The following ATP2B4 variants were observed in gnomAD, a reference collection of about 807,000 sequenced individuals.
ATP2B4 encodes plasma membrane calcium-transporting ATPase 4.
A neutral mutation model predicts 110.3 loss-of-function variants in ATP2B4; 39 were observed. The ratio of observed to expected loss-of-function variants is 0.35; its 90% CI spans 0.27 to 0.46. The LOEUF (loss-of-function observed/expected upper bound fraction) is 0.46. Ranked by LOEUF, ATP2B4 falls within the 20% of genes least tolerant of loss-of-function variation. ATP2B4 has a pLI of 1.00. For missense variants in ATP2B4, 1,135 were observed against 1,530.9 expected (o/e 0.74, Z 4.32); for synonymous variants, 538 against 571.7 (o/e 0.94, Z 0.84).
At chr1:203,714,041 G>A in intron 14 of ATP2B4, 130 bp from the exon 15 acceptor site, 1 of 829,284 alleles carries the variant, frequency 1.2e-6, no homozygotes, top group South Asian at 1.5e-5. Context: ...CTGCCCTTAG[G>A]TGGTTCCTGT....
intron 2 of ATP2B4, among the ~76,000 whole-genome samples, chr1:203,683,708 CT>C (rs1665090744): frequency 9.9e-6 from 1 of 101,156 alleles, no homozygotes; most frequent in South Asian, 3.5e-4. Flanking sequence ...GGGTCCTGCT[CT>C]TTTACCCAGG....
At chr1:203,726,401 C>A (rs1386893718) in intron 19 of ATP2B4, among the ~76,000 whole-genome samples, 1 of 150,734 alleles carries the variant, frequency 6.6e-6, no homozygotes, top group Non-Finnish European at 1.5e-5. Context: ...ATTCCCTCCA[C>A]CCTGTTCTGT....
In ATP2B4 at chr1:203,660,856, G is replaced by A. The variant is rs979566755; in HGVS notation, c.-464-21886G>A. Among the ~76,000 whole-genome samples the A allele has an allele frequency of 2.1e-4, 31 of 151,202 alleles. 1 individual carries two copies. Among genetic ancestry groups the A allele is most frequent in the Admixed American group, 1.6e-3 (25 of 15,172 alleles). On this transcript the variant is annotated intron_variant, in intron 1 of 20. Coordinates refer to ENST00000357681, the MANE Select transcript of ATP2B4 (RefSeq NM_001684.5). Reference sequence around the variant, plus strand: ...CTGGGCACGGTGGCTCATGCCTGTAGTCCCAGCACTTTGGGAGGCCGAGGC... The same window carrying A: ...CTGGGCACGGTGGCTCATGCCTGTAATCCCAGCACTTTGGGAGGCCGAGGC...
At chr1:203,700,967 T>G in intron 6 of ATP2B4, 44 bp downstream of exon 6, 2 of 1,592,944 alleles carry the variant, frequency 1.3e-6, no homozygotes, top group Non-Finnish European at 1.7e-6. Context: ...CTCATCCCCA[T>G]GGACAAACAA....
chr1:203,711,235 C>T, intron 12 of ATP2B4, 127 bp downstream of exon 12: 1 of 798,562 alleles, frequency 1.3e-6, no homozygotes, highest in Non-Finnish European at 2.0e-6. Flanking sequence ...GTGCTTCCTG[C>T]TTCACAGGAC....
chr1:203,703,628 G>A (rs187671253), intron 7 of ATP2B4, 24 bp from the exon 8 acceptor site: 69 of 1,611,370 alleles, frequency 4.3e-5, no homozygotes, highest in Middle Eastern at 3.4e-4. Context: ...CTGCTCACCT[G>A]TCCTATTTGT....
intron 1 of ATP2B4, among the ~76,000 whole-genome samples, chr1:203,676,123 TGTCG>T (rs1177722824): frequency 6.6e-6 from 1 of 152,190 alleles, no homozygotes. Context: ...TGGGTGTGGC[TGTCG>T]GATGATGATG....
intron 20 of ATP2B4, among the ~76,000 whole-genome samples, chr1:203,731,457 A>G (rs561013710): frequency 6.6e-6 from 1 of 152,308 alleles, no homozygotes; most frequent in African/African-American, 2.4e-5. Flanking sequence ...CAGATTCATG[A>G]AGGCTAAAGG....
chr1:203,649,653 G>A (rs1571679788), intron 1 of ATP2B4, among the ~76,000 whole-genome samples: 1 of 152,166 alleles, frequency 6.6e-6, no homozygotes, highest in East Asian at 1.9e-4. Flanking sequence ...AAATAGCCAG[G>A]CCTGGTGATG....
intron 1 of ATP2B4, among the ~76,000 whole-genome samples, chr1:203,633,722 A>ATAAAT (rs1663348338): frequency 6.6e-6 from 1 of 151,214 alleles, no homozygotes; most frequent in Non-Finnish European, 1.5e-5. Flanking sequence ...AGATAAATAA[A>ATAAAT]TAAATAAATA....
chr1:203,667,603 A>C (rs929446399), intron 1 of ATP2B4, among the ~76,000 whole-genome samples: 5 of 152,182 alleles, frequency 3.3e-5, no homozygotes, highest in Non-Finnish European at 7.3e-5. Flanking sequence ...TACCTTTTAA[A>C]GCCCAAAGTT....
chr1:203,686,892 A>C (rs1208539949), intron 2 of ATP2B4, among the ~76,000 whole-genome samples: 1 of 150,068 alleles, frequency 6.7e-6, no homozygotes, highest in East Asian at 2.0e-4. Flanking sequence ...ACGGGGTTTC[A>C]TCATGTTGGC....
intron 20 of ATP2B4, 84 bp from the exon 21 acceptor site, chr1:203,739,462 C>T: frequency 7.2e-7 from 1 of 1,398,018 alleles, no homozygotes; most frequent in Non-Finnish European, 9.8e-7. Flanking sequence ...TTTTGTTTCT[C>T]TCCTAAATCC....
At chr1:203,725,904 C>CTTTTTTTTTTTTTTTTTTTT (rs756184004) in intron 19 of ATP2B4, among the ~76,000 whole-genome samples, 5 of 93,378 alleles carry the variant, frequency 5.4e-5, no homozygotes, top group African/African-American at 9.0e-5. Context: ...CTTTTCTTTT[C>CTTTTTTTTTTTTTTTTTTTT]TTTTTTTTTT....
chr1:203,727,496 G>A lies in ATP2B4; in HGVS notation c.3234G>A (p.Glu1078=), dbSNP rs369400605. 3.1e-6 allele frequency: 5 copies of A among 1,614,122 alleles called. No individual in the cohort carries two copies. The highest frequency in any genetic ancestry group is 4.2e-6 in the Non-Finnish European group (5 of 1,180,042). ...EITKDAEGLD[E]IDHAEMELRR... ...CCAAGGATGCCGAGGGACTGGATGAGATTGACCATGCTGAGATGGAGCTGC... is the reference window on the plus strand; with the variant it reads ...CCAAGGATGCCGAGGGACTGGATGAAATTGACCATGCTGAGATGGAGCTGC... The change falls in exon 20 of 21, where the codon GAG becomes GAA. Residue 1078 remains glutamate (E), a synonymous_variant. Coordinates refer to ENST00000357681, the MANE Select transcript of ATP2B4 (RefSeq NM_001684.5).
intron 15 of ATP2B4, among the ~76,000 whole-genome samples, chr1:203,718,160 T>C (rs1571758841): frequency 6.6e-6 from 1 of 152,178 alleles, no homozygotes; most frequent in Admixed American, 6.5e-5. Flanking sequence ...ATATTTCTGT[T>C]TTTCATTTAC....
At chr1:203,673,623 CAG>C (rs1393065920) in intron 1 of ATP2B4, among the ~76,000 whole-genome samples, 1 of 152,172 alleles carries the variant, frequency 6.6e-6, no homozygotes, top group Non-Finnish European at 1.5e-5. Flanking sequence ...GTGAGACTGT[CAG>C]AGTGGAGAAA....
Position 203,629,352 on chromosome 1 carries a change from A to C in ATP2B4, c.-465+2133A>C, listed in dbSNP as rs1234689369. On this transcript the variant is annotated intron_variant, in intron 1 of 20. Coordinates refer to ENST00000357681, the MANE Select transcript of ATP2B4 (RefSeq NM_001684.5). The surrounding 1 kb of genome is among the most constrained non-coding windows in gnomAD (Gnocchi z 4.6). ...TTGCTGAGGTGCAACCTCGAAAATC[A>C]CGCCGCTTTCGCCGCGGCCTCCCAT... Among the ~76,000 whole-genome samples, 1 of 152,150 alleles carries C rather than the reference A, an allele frequency of 6.6e-6. No homozygotes were observed. Among genetic ancestry groups the C allele is most frequent in the Admixed American group, 6.5e-5 (1 of 15,282 alleles).
At chr1:203,659,547 GT>G (rs1385418463) in intron 1 of ATP2B4, among the ~76,000 whole-genome samples, 1 of 151,932 alleles carries the variant, frequency 6.6e-6, no homozygotes, top group African/African-American at 2.4e-5. Context: ...GCACACCCCT[GT>G]AGTCCACAAA....
Sources: gnomAD v4.1 joint callset for allele counts (sites outside exome capture counted in the v4.1 genomes callset) on GRCh38, gnomAD v4.1.1 for gene constraint, Gnocchi (gnomAD v3.1) non-coding constraint, MANE v1.5 for transcripts, NCBI Gene and HGNC (gene_info 2026-07-23, HGNC 2026-07-21) for gene names.